Variants in LIPH observed in about 807,000 individuals in gnomAD.
The protein encoded by LIPH is lipase H, also known as lipase member H.
Under a neutral mutation model 47.6 loss-of-function variants are expected in LIPH, and 32 were observed. The observed-to-expected ratio is 0.67, with a 90% CI of 0.51 to 0.90. The LOEUF is 0.90. LIPH is among the 40% of genes least tolerant of loss of function. The probability of loss-of-function intolerance (pLI) is 0.00; values close to 1 mark genes in which losing one functional copy is unlikely to be tolerated. For missense variants in LIPH, 497 were observed against 541.4 expected, an observed-to-expected ratio of 0.92 and a Z score of 0.81; for synonymous variants, 190 against 195.6, an observed-to-expected ratio of 0.97 and a Z score of 0.24.
chr3:185,510,563 C>G (rs1719530390), intron 9 of LIPH, among the ~76,000 whole-genome samples: 1 of 152,086 alleles, frequency 6.6e-6, no homozygotes, highest in South Asian at 2.1e-4. Context: ...GTGCCATTAT[C>G]AAATTTAAGA....
chr3:185,526,197 C>A (rs1401318878), intron 4 of LIPH, among the ~76,000 whole-genome samples: 1 of 151,786 alleles, frequency 6.6e-6, no homozygotes, highest in Non-Finnish European at 1.5e-5. Context: ...ACCCCCATCT[C>A]TACAAAAAGA....
chr3:185,527,639 C>A, intron 3 of LIPH, 54 bp from the exon 4 acceptor site: 1 of 1,179,844 alleles, frequency 8.5e-7, no homozygotes, highest in South Asian at 1.2e-5. Flanking sequence ...CACCTGCAGC[C>A]GGGCCTTTGA....
At chr3:185,548,496 G>A (rs1720951687) in intron 1 of LIPH, among the ~76,000 whole-genome samples, 1 of 151,980 alleles carries the variant, frequency 6.6e-6, no homozygotes. Flanking sequence ...GGGAGGCCGA[G>A]GTAGGTGGAT....
At chr3:185,549,277 A>G (rs915849271) in intron 1 of LIPH, among the ~76,000 whole-genome samples, 2 of 152,214 alleles carry the variant, frequency 1.3e-5, no homozygotes, top group African/African-American at 4.8e-5. Context: ...CCGAGAAAAT[A>G]AATGAGATGC....
In LIPH at chr3:185,508,596, G is replaced by A. The variant is rs1719455368; in HGVS notation, c.*194C>T. On this transcript the variant is annotated 3_prime_UTR_variant, in exon 10 of 10. Coordinates refer to ENST00000296252, the MANE Select transcript of LIPH (RefSeq NM_139248.3). ...GCTATTTCTGACTTGCCCTAGTTAG[G>A]GGCTCCTTCCCAGGATCGTTTTATA... The A allele has an allele frequency of 2.0e-5, 12 of 599,580 alleles. No homozygotes were observed. In the South Asian group the frequency reaches 2.3e-4, roughly 12 times the overall value. 37.1% of individuals were successfully genotyped at this position (599,580 alleles called of 1,614,324 possible). A position where few individuals can be genotyped will look rare whatever the true frequency, so the allele number is the denominator to read the frequency against.
At chr3:185,523,268 A>ATG (rs1218667183) in intron 5 of LIPH, among the ~76,000 whole-genome samples, 3 of 152,212 alleles carry the variant, frequency 2.0e-5, no homozygotes, top group African/African-American at 7.2e-5. Context: ...GCTTTCAAAC[A>ATG]TGTGGCTATA....
chr3:185,527,832 T>C (rs1720159308), intron 3 of LIPH, among the ~76,000 whole-genome samples: 1 of 149,330 alleles, frequency 6.7e-6, no homozygotes, highest in Non-Finnish European at 1.5e-5. Context: ...GCATGTGTCA[T>C]GCAGAGCTCA....
Position 185,533,496 on chromosome 3 carries a change from G to C in LIPH, c.526+75C>G, listed in dbSNP as rs574235625. Reference sequence around the variant, plus strand: ...AGCTGGCTTTGAACCCAAGGAGTTGGATTGGCCTACATAATACTCCCCCAG... The same window carrying C: ...AGCTGGCTTTGAACCCAAGGAGTTGCATTGGCCTACATAATACTCCCCCAG... On this transcript the variant is annotated intron_variant, in intron 3 of 9. Transcript: ENST00000296252. 4.2e-6 allele frequency: 4 copies of C among 945,424 alleles called. No individual in the cohort carries two copies. In the South Asian group the frequency reaches 5.1e-5, roughly 12 times the overall value. The allele number at this position is 945,424 out of a possible 1,614,324, so 58.6% of individuals were successfully genotyped here. A position where few individuals can be genotyped will look rare whatever the true frequency, so the allele number is the denominator to read the frequency against.
intron 1 of LIPH, 140 bp from the exon 2 acceptor site, chr3:185,535,272 T>C: frequency 3.0e-6 from 3 of 987,276 alleles, no homozygotes; most frequent in East Asian, 2.4e-5. Flanking sequence ...TTGAATGAAG[T>C]TGCAAAATCA....
intron 3 of LIPH, among the ~76,000 whole-genome samples, chr3:185,528,263 A>C (rs569901545): frequency 2.4e-4 from 35 of 148,832 alleles, no homozygotes; most frequent in South Asian, 8.5e-4. Context: ...AAAAAGAAAG[A>C]AAGCAAGCAG....
At chr3:185,518,359 A>G (rs1265962783) in intron 6 of LIPH, among the ~76,000 whole-genome samples, 1 of 152,018 alleles carries the variant, frequency 6.6e-6, no homozygotes. Context: ...AGCTCACTGT[A>G]TCCTCCGTCT....
intron 5 of LIPH, among the ~76,000 whole-genome samples, chr3:185,523,778 AG>A (rs894920310): frequency 3.7e-4 from 53 of 143,252 alleles, no homozygotes; most frequent in African/African-American, 1.2e-3. Context: ...GCTGGAGTGC[AG>A]TGGCGTGAAC....
In LIPH at chr3:185,519,149, G is replaced by A. The variant is rs749179238; in HGVS notation, c.879C>T (p.Pro293=). ...ACTGCTGGTTAGACTTACCCAGAAG[G>A]GGACAGGACTCTTTTTGTGACGTGC... is the stretch of plus-strand genomic sequence containing the variant. ...SCGTSQKESC[P]LLGYYADNWK... is the part of the protein sequence containing the mutation. The change falls in exon 6 of 10, where the codon CCC becomes CCT. Residue 293 remains proline (P), a synonymous_variant. Transcript: ENST00000296252. 4 of 1,614,006 alleles carry A rather than the reference G, an allele frequency of 2.5e-6. No individual in the cohort carries two copies. Among genetic ancestry groups the A allele is most frequent in the Non-Finnish European group, 3.4e-6 (4 of 1,179,868 alleles).
chr3:185,538,828 CATAT>C (rs1265205137), intron 1 of LIPH, among the ~76,000 whole-genome samples: 4 of 21,324 alleles, frequency 1.9e-4, no homozygotes, highest in African/African-American at 2.4e-4. Flanking sequence ...CACACATATA[CATAT>C]ATACATATAT....
rs569506044 is a variant in LIPH at position 185,524,686 on chromosome 3, C to A, written c.629-526G>T. ...GGCTGGTCTTAAACTCCTGACCTCG[C>A]GATCTGCCCGCCTCGGCCTCCCAAA... is the stretch of plus-strand genomic sequence containing the variant. On this transcript the variant is annotated intron_variant, in intron 4 of 9. Transcript: ENST00000296252. Among the ~76,000 whole-genome samples, 63 of 151,968 alleles carry A rather than the reference C, an allele frequency of 4.1e-4. 2 individuals carry two copies. The South Asian group carries it at 0.011, about 27-fold the overall frequency.
At chr3:185,516,209 G>A (rs1719725678) in intron 7 of LIPH, among the ~76,000 whole-genome samples, 1 of 152,148 alleles carries the variant, frequency 6.6e-6, no homozygotes, top group Non-Finnish European at 1.5e-5. Flanking sequence ...AAGGCAGGCA[G>A]ATCACCTGAG....
In LIPH at chr3:185,511,557, C is replaced by A; in HGVS notation, c.1235G>T (p.Arg412Leu). 1 of 1,614,106 alleles carries A rather than the reference C, an allele frequency of 6.2e-7. No individual in the cohort carries two copies. The highest frequency in any genetic ancestry group is 8.5e-7 in the Non-Finnish European group (1 of 1,180,002). ...IGPRYKLRIL[R>L]MKLRSLAHPE... ...ATGGGCAAGGGACCTTAACTTCATT[C>A]GGAGAATCCTGAGCTTGTACCTTGG... Residue 412 changes from arginine to leucine, a missense_variant, in exon 9 of 10, where the codon CGA becomes CTA. Arg to Leu is a moderately radical substitution (Grantham distance 102, BLOSUM62 -2). Transcript: ENST00000296252.
At chr3:185,531,902 C>G (rs981776102) in intron 3 of LIPH, among the ~76,000 whole-genome samples, 1 of 152,028 alleles carries the variant, frequency 6.6e-6, no homozygotes. Context: ...TGCAGTGGCA[C>G]GATCATAGCT....
At chr3:185,545,099 A>G (rs1422532548) in intron 1 of LIPH, among the ~76,000 whole-genome samples, 1 of 152,186 alleles carries the variant, frequency 6.6e-6, no homozygotes, top group East Asian at 1.9e-4. Context: ...AACATGTTAA[A>G]CTGGTTTTTA....
Sources: allele counts gnomAD v4.1 joint callset (sites outside exome capture counted in the v4.1 genomes callset), GRCh38; gene constraint gnomAD v4.1.1; transcripts MANE v1.5; gene names NCBI Gene and HGNC (gene_info 2026-07-23, HGNC 2026-07-21).